ITGAE: variants seen among roughly 807,000 people sequenced by gnomAD.
The protein encoded by ITGAE is integrin alpha-E.
A neutral mutation model predicts 136.5 loss-of-function variants in ITGAE; 99 were observed. The ratio of observed to expected loss-of-function variants is 0.73; its 90% CI spans 0.62 to 0.86. ITGAE has a LOEUF of 0.86. Among genes scored for constraint, ITGAE ranks in the 40% least tolerant of loss-of-function variants. ITGAE has a pLI of 0.00. For missense variants in ITGAE, 1,447 were observed against 1,515.3 expected (o/e 0.95, Z 0.75); for synonymous variants, 613 against 591.8 (o/e 1.04, Z -0.52).
intron 13 of ITGAE, 101 bp downstream of exon 13, chr17:3,753,682 G>A (rs907278400): frequency 5.9e-5 from 85 of 1,447,348 alleles, no homozygotes; most frequent in Non-Finnish European, 6.1e-5. Flanking sequence ...CACCCAGCCC[G>A]GGCCCTGGCC....
At chr17:3,746,048 T>A in intron 17 of ITGAE, 121 bp from the exon 18 acceptor site, 2 of 847,680 alleles carry the variant, frequency 2.4e-6, no homozygotes, top group Non-Finnish European at 3.6e-6. Flanking sequence ...TGCAGGTACT[T>A]CCCTGCGGCT....
At chr17:3,785,494 AGGAG>A (rs2052764296) in intron 1 of ITGAE, among the ~76,000 whole-genome samples, 1 of 116,892 alleles carries the variant, frequency 8.6e-6, no homozygotes, top group Non-Finnish European at 1.8e-5. Context: ...GAAGGAAGGA[AGGAG>A]GAAGGAAGGA....
chr17:3,728,138 C>A lies in ITGAE; in HGVS notation c.2943G>T (p.Gln981His), dbSNP rs759212786. Residue 981 changes from glutamine (Q) to histidine (H), a missense_variant, in exon 25 of 31, where the codon CAG becomes CAT. Coordinates refer to ENST00000263087, the MANE Select transcript of ITGAE (RefSeq NM_002208.5). ...GGAATTCTTTGTGGTGAGAAAGCCC[C>A]TGGCCTGTGTTCACGTACATTATGG... ...KPSIMYVNTG[Q>H]GLSHHKEFLF... The A allele has an allele frequency of 6.2e-7, 1 of 1,613,644 alleles. No homozygotes were observed. Among genetic ancestry groups the A allele is most frequent in the South Asian group, 1.1e-5 (1 of 91,070 alleles).
rs765920776 is a variant in ITGAE, at chr17:3,728,129, A to G, written c.2952T>C (p.Ser984=). The G allele has an allele frequency of 6.2e-7, 1 of 1,613,458 alleles. No homozygotes were observed. The highest frequency in any genetic ancestry group is 2.2e-5 in the East Asian group (1 of 44,900). ...CATGGAAGAGGAATTCTTTGTGGTG[A>G]GAAAGCCCCTGGCCTGTGTTCACGT... is the stretch of plus-strand genomic sequence containing the variant. ...IMYVNTGQGL[S]HHKEFLFHVH... is the part of the protein sequence containing the mutation. The change falls in exon 25 of 31, where the codon TCT becomes TCC. Residue 984 remains serine (S), a synonymous_variant. Transcript: ENST00000263087.
At chr17:3,726,185 C>T (rs930229051) in intron 26 of ITGAE, 1 of 1,614,112 alleles carries the variant, frequency 6.2e-7, no homozygotes, top group African/African-American at 1.3e-5. Flanking sequence ...ACCTGACAGA[C>T]AAGATGCTGA....
chr17:3,782,874 C>T (rs77261358), intron 1 of ITGAE, among the ~76,000 whole-genome samples: 1,886 of 152,246 alleles, frequency 0.012, 22 homozygotes, highest in Non-Finnish European at 0.021. Flanking sequence ...CGCACTCTCA[C>T]GGGAAGACAC....
At chr17:3,727,310 ATGT>A (rs2051236048) in intron 26 of ITGAE, among the ~76,000 whole-genome samples, 1 of 152,148 alleles carries the variant, frequency 6.6e-6, no homozygotes, top group African/African-American at 2.4e-5. Context: ...AGTGTAAGAA[ATGT>A]CACATGTTAC....
At chr17:3,786,302 G>T (rs2143415584) in intron 1 of ITGAE, among the ~76,000 whole-genome samples, 1 of 152,052 alleles carries the variant, frequency 6.6e-6, no homozygotes, top group South Asian at 2.1e-4. Flanking sequence ...TGTATCACCT[G>T]AGTAAGATAT....
intron 15 of ITGAE, 35 bp downstream of exon 15, chr17:3,751,615 C>T (rs1381290408): frequency 1.3e-6 from 2 of 1,585,898 alleles, no homozygotes; most frequent in Admixed American, 3.3e-5. Flanking sequence ...GGTCAGAGCC[C>T]CAGAGGAGAG....
chr17:3,770,549 C>A (rs2052396049), intron 2 of ITGAE, among the ~76,000 whole-genome samples: 1 of 152,182 alleles, frequency 6.6e-6, no homozygotes, highest in African/African-American at 2.4e-5. Context: ...GAGTGAGAGG[C>A]ACACGTCATT....
intron 22 of ITGAE, among the ~76,000 whole-genome samples, chr17:3,731,622 A>T (rs1450158645): frequency 6.6e-6 from 1 of 151,368 alleles, no homozygotes; most frequent in African/African-American, 2.4e-5. Context: ...GATTACAGGC[A>T]TGAGCCACCG....
Position 3,797,356 on chromosome 17 carries a change from G to T in ITGAE, c.34+3755C>A, listed in dbSNP as rs935975918. Among the ~76,000 whole-genome samples the T allele has an allele frequency of 3.3e-5, 5 of 151,040 alleles. No homozygotes were observed. The South Asian group carries it at 1.0e-3, about 32-fold the overall frequency. ...AATTTTTTGTGTTTTTAGTAGAGAC[G>T]GAGTTTCACTGTGTTAGCCAGGATG... On this transcript the variant is annotated intron_variant, in intron 1 of 30. Coordinates refer to ENST00000263087, the MANE Select transcript of ITGAE (RefSeq NM_002208.5).
intron 20 of ITGAE, among the ~76,000 whole-genome samples, chr17:3,736,053 G>A (rs2051453043): frequency 6.6e-6 from 1 of 152,114 alleles, no homozygotes; most frequent in South Asian, 2.1e-4. Flanking sequence ...CTGAGACAGA[G>A]AATTGCTTGA....
chr17:3,795,943 C>CCCTGTGTGTG (rs1567565114), intron 1 of ITGAE, among the ~76,000 whole-genome samples: 1 of 104,520 alleles, frequency 9.6e-6, no homozygotes, highest in African/African-American at 3.9e-5. Context: ...GTGTGTGCAT[C>CCCTGTGTGTG]CGTGTGTGCA....
Position 3,727,933 on chromosome 17 carries a change from GCTT to G in ITGAE, c.3067_3069del (p.Lys1023del). On this transcript the variant is annotated inframe_deletion, in exon 26 of 31. Transcript: ENST00000263087. ...CCTTTAAATACCTGAGTCCTCGTCA[GCTT>G]CTTCACTGCTACAACCTGGAGACCT... The G allele has an allele frequency of 6.2e-7, 1 of 1,611,242 alleles. No homozygotes were observed. The highest frequency in any genetic ancestry group is 8.5e-7 in the Non-Finnish European group (1 of 1,177,378).
intron 1 of ITGAE, among the ~76,000 whole-genome samples, chr17:3,783,358 C>T (rs987187233): frequency 1.3e-5 from 2 of 152,104 alleles, no homozygotes; most frequent in Admixed American, 6.6e-5. Flanking sequence ...CCAGGCTGGT[C>T]TCATACTCGT....
At position 3,799,956 on chromosome 17, in the gene ITGAE, T is replaced by C. The variant is rs1466001939; in HGVS notation, c.34+1155A>G. On this transcript the variant is annotated intron_variant, in intron 1 of 30. Coordinates refer to ENST00000263087, the MANE Select transcript of ITGAE (RefSeq NM_002208.5). The surrounding 1 kb of genome is among the most constrained non-coding windows in gnomAD (Gnocchi z 4.1). ...CAATATGGTGAGACCCTGTCTCTAC[T>C]AAAAATACAAAAATTAGCCAGGCGT... 6.6e-6 allele frequency among the ~76,000 whole-genome samples: 1 copy of C among 151,968 alleles called. No individual in the cohort carries two copies. The highest frequency in any genetic ancestry group is 1.5e-5 in the Non-Finnish European group (1 of 67,962).
chr17:3,741,297 C>G (rs1447163098), intron 19 of ITGAE, among the ~76,000 whole-genome samples: 1 of 150,800 alleles, frequency 6.6e-6, no homozygotes, highest in Non-Finnish European at 1.5e-5. Context: ...CTGTGTTAGC[C>G]AGGATGGTCT....
At chr17:3,731,943 C>CTGCA (rs2051352978) in intron 22 of ITGAE, among the ~76,000 whole-genome samples, 1 of 151,900 alleles carries the variant, frequency 6.6e-6, no homozygotes, top group Non-Finnish European at 1.5e-5. Flanking sequence ...GGGTGTAGTG[C>CTGCA]TGCACGCCTG....
Sources: gnomAD v4.1 joint callset for allele counts (sites outside exome capture counted in the v4.1 genomes callset) on GRCh38, gnomAD v4.1.1 for gene constraint, Gnocchi (gnomAD v3.1) non-coding constraint, MANE v1.5 for transcripts, NCBI Gene and HGNC (gene_info 2026-07-23, HGNC 2026-07-21) for gene names.